The following KLKB1 variants were observed in gnomAD, a reference collection of about 807,000 sequenced individuals.
KLKB1 encodes the protein plasma kallikrein.
A neutral mutation model predicts 73.6 loss-of-function variants in KLKB1; 58 were observed. The ratio of observed to expected loss-of-function variants is 0.79; its 90% CI spans 0.64 to 0.98. The LOEUF is 0.98. KLKB1 is among the 50% of genes least tolerant of loss of function. The probability of loss-of-function intolerance (pLI) is 0.00; values close to 1 mark genes in which losing one functional copy is unlikely to be tolerated. For missense variants in KLKB1, 737 were observed against 763.8 expected, an observed-to-expected ratio of 0.96 and a Z score of 0.41; for synonymous variants, 280 against 258.1, an observed-to-expected ratio of 1.08 and a Z score of -0.81.
Position 186,251,800 on chromosome 4 carries a change from G to A in KLKB1, c.1083G>A (p.Ala361=), listed in dbSNP as rs567160749. The change falls in exon 10 of 15, where the codon GCG becomes GCA. Residue 361 remains alanine (A), a synonymous_variant. Transcript: ENST00000264690. ...TGGATGGTTCTCCAACTAGGATTGC[G>A]TATGGGACACAAGGGAGCTCTGGTT... ...LSMDGSPTRI[A]YGTQGSSGYS... is the part of the protein sequence containing the mutation. 56 of 1,613,984 alleles carry A rather than the reference G, an allele frequency of 3.5e-5. No homozygotes were observed. Among genetic ancestry groups the A allele is most frequent in the East Asian group, 1.3e-4 (6 of 44,890 alleles).
At chr4:186,241,047 A>G (rs1738018665) in intron 6 of KLKB1, among the ~76,000 whole-genome samples, 1 of 152,162 alleles carries the variant, frequency 6.6e-6, no homozygotes, top group Non-Finnish European at 1.5e-5. Flanking sequence ...ATCGGATCAA[A>G]TGGCCTTTAC....
upstream of KLKB1, among the ~76,000 whole-genome samples, chr4:186,223,802 G>A (rs1737083008): frequency 6.6e-6 from 1 of 152,186 alleles, no homozygotes; most frequent in South Asian, 2.1e-4. Context: ...ATTCAAGCCG[G>A]CTGCAGAAAT....
At chr4:186,244,227 C>A (rs754040526) in intron 6 of KLKB1, among the ~76,000 whole-genome samples, 10 of 151,992 alleles carry the variant, frequency 6.6e-5, no homozygotes, top group Non-Finnish European at 8.8e-5. Flanking sequence ...TTGGGGTCAG[C>A]TAGCTTTGCT....
intron 6 of KLKB1, among the ~76,000 whole-genome samples, chr4:186,247,093 T>C (rs959707268): frequency 6.6e-6 from 1 of 152,130 alleles, no homozygotes; most frequent in African/African-American, 2.4e-5. Context: ...CGGTGAGATG[T>C]TCCTTGGGCT....
Position 186,254,724 on chromosome 4 carries a change from A to G in KLKB1, c.1450A>G (p.Ile484Val), listed in dbSNP as rs1217222052. 2 of 1,613,922 alleles carry G rather than the reference A, an allele frequency of 1.2e-6. No individual in the cohort carries two copies. Among genetic ancestry groups the G allele is most frequent in the Non-Finnish European group, 8.5e-7 (1 of 1,179,780 alleles). ...TAAAGTCTCAGAAGGGAATCATGATATCGCCTTGATAAAACTCCAGGCTCC... is the reference window on the plus strand; with the variant it reads ...TAAAGTCTCAGAAGGGAATCATGATGTCGCCTTGATAAAACTCCAGGCTCC... ...NYKVSEGNHD[I>V]ALIKLQAPLN... Residue 484 changes from isoleucine (I) to valine (V), a missense_variant, in exon 12 of 15, where the codon ATC (isoleucine) becomes GTC (valine). Ile to Val is a conservative substitution (Grantham distance 29, BLOSUM62 3). Transcript: ENST00000264690.
At position 186,238,380 on chromosome 4, in the gene KLKB1, A is replaced by C; in HGVS notation, c.598+15A>C. ...TTCAGAAATTGGTAATTGTAGGACTACTTCACTTTGTGATTGTGGTAGGTG... is the reference window on the plus strand; with the variant it reads ...TTCAGAAATTGGTAATTGTAGGACTCCTTCACTTTGTGATTGTGGTAGGTG... On this transcript the variant is annotated intron_variant, in intron 6 of 14. Transcript: ENST00000264690. 6.5e-7 allele frequency: 1 copy of C among 1,548,034 alleles called. No homozygotes were observed. The highest frequency in any genetic ancestry group is 8.9e-7 in the Non-Finnish European group (1 of 1,119,768).
At chr4:186,241,041 G>A (rs1379534183) in intron 6 of KLKB1, among the ~76,000 whole-genome samples, 1 of 152,144 alleles carries the variant, frequency 6.6e-6, no homozygotes, top group East Asian at 1.9e-4. Flanking sequence ...GATTTAATCG[G>A]ATCAAATGGC....
At chr4:186,252,286 A>C (rs1738724664) in intron 11 of KLKB1, 101 bp downstream of exon 11, 1 of 1,298,158 alleles carries the variant, frequency 7.7e-7, no homozygotes, top group Admixed American at 1.8e-5. Context: ...ATGAATAGAG[A>C]CGTGTTAAAG....
In KLKB1 at chr4:186,258,471, A is replaced by G; in HGVS notation, c.*259A>G. On this transcript the variant is annotated 3_prime_UTR_variant, in exon 15 of 15. Transcript: ENST00000264690. ...TTGTGAAATAAAATGGTGAAAGATC[A>G]CGATTAGCAAGTGTTTTCTTCTGGT... The G allele has an allele frequency of 1.9e-6, 1 of 527,356 alleles. No homozygotes were observed. The highest frequency in any genetic ancestry group is 2.0e-5 in the South Asian group (1 of 49,464). The allele number at this position is 527,356 out of a possible 1,614,324, so 32.7% of individuals were successfully genotyped here.
chr4:186,232,138 C>T lies in KLKB1; in HGVS notation c.70C>T (p.Gln24Ter). Reference protein sequence around the residue: ...FATVSCGCLTQLYENAFFRGG... With the variant: ...FATVSCGCLT ...TGGTTCTGTCACAGGATGTCTGACT[C>T]AACTCTATGAAAACGCCTTCTTCAG... The change falls in exon 3 of 15, where the codon CAA becomes TAA. Residue 24 changes from glutamine to a stop codon, truncating the protein, a stop_gained. Coordinates refer to ENST00000264690, the MANE Select transcript of KLKB1 (RefSeq NM_000892.5). LOFTEE classifies it high-confidence loss of function. The T allele has an allele frequency of 6.2e-7, 1 of 1,611,148 alleles. No homozygotes were observed. The highest frequency in any genetic ancestry group is 8.5e-7 in the Non-Finnish European group (1 of 1,178,188).
At chr4:186,243,674 A>C (rs150279783) in intron 6 of KLKB1, among the ~76,000 whole-genome samples, 8 of 152,216 alleles carry the variant, frequency 5.3e-5, no homozygotes, top group Non-Finnish European at 1.0e-4. Flanking sequence ...CCTTCAGCCC[A>C]TATAACCGCA....
chr4:186,250,792 G>A (rs1208451907), intron 7 of KLKB1, among the ~76,000 whole-genome samples: 1 of 152,128 alleles, frequency 6.6e-6, no homozygotes, highest in Non-Finnish European at 1.5e-5. Flanking sequence ...TCAGAAACTA[G>A]AGCCCTGTTT....
At chr4:186,249,885 A>T (rs557471206) in intron 6 of KLKB1, among the ~76,000 whole-genome samples, 2 of 150,866 alleles carry the variant, frequency 1.3e-5, no homozygotes, top group East Asian at 3.9e-4. Flanking sequence ...TTTTTATAAT[A>T]TTCAGGAAAA....
chr4:186,256,544 G>A (rs531075000), intron 13 of KLKB1, among the ~76,000 whole-genome samples: 2 of 152,208 alleles, frequency 1.3e-5, no homozygotes, highest in African/African-American at 4.8e-5. Context: ...CATCTTTCCC[G>A]ATTCAGTCTT....
chr4:186,211,834 T>C (rs1736733211), intron 2 of KLKB1: 1 of 152,198 alleles, frequency 6.6e-6, no homozygotes, highest in African/African-American at 2.4e-5. Flanking sequence ...TGGAGCAGAT[T>C]ATTTTAAGTT....
intron 2 of KLKB1, among the ~76,000 whole-genome samples, chr4:186,228,642 G>C (rs1412501434): frequency 6.6e-6 from 1 of 152,060 alleles, no homozygotes; most frequent in Non-Finnish European, 1.5e-5. Flanking sequence ...ATAGTGTCTG[G>C]GTCCAATCCA....
intron 6 of KLKB1, among the ~76,000 whole-genome samples, chr4:186,243,159 G>A (rs536761257): frequency 7.0e-4 from 106 of 151,946 alleles, no homozygotes; most frequent in Non-Finnish European, 1.0e-4. Context: ...GTGTAGGGAA[G>A]GGAGGGGGCC....
intron 2 of KLKB1, among the ~76,000 whole-genome samples, chr4:186,215,139 G>GA (rs1363988544): frequency 1.3e-5 from 2 of 151,722 alleles, no homozygotes; most frequent in East Asian, 3.9e-4. Context: ...TTATCGGGAA[G>GA]AAAAATTATC....
chr4:186,236,763 T>G lies in KLKB1; in HGVS notation c.329-18T>G. The stretch of plus-strand genomic sequence containing the variant: ...AAGAAAATGGACTGTATTTGCTCTA[T>G]GTATTTTTCTTGTACAGCTTGCCAT... On this transcript the variant is annotated intron_variant, in intron 4 of 14. Transcript: ENST00000264690. 1 of 1,613,248 alleles carries G rather than the reference T, an allele frequency of 6.2e-7. No homozygotes were observed. Among genetic ancestry groups the G allele is most frequent in the Non-Finnish European group, 8.5e-7 (1 of 1,179,248 alleles).
Sources: gnomAD v4.1 joint callset for allele counts (sites outside exome capture counted in the v4.1 genomes callset) on GRCh38, gnomAD v4.1.1 for gene constraint, MANE v1.5 for transcripts, NCBI Gene and HGNC (gene_info 2026-07-23, HGNC 2026-07-21) for gene names.